The following MINAR1 variants were observed in gnomAD, a reference collection of about 807,000 sequenced individuals.
MINAR1 encodes major intrinsically disordered Notch2-binding receptor 1.
MINAR1 carries 40 observed loss-of-function variants against 65.1 expected under a neutral mutation model. The observed-to-expected ratio is 0.61, with a 90% CI of 0.48 to 0.80. The LOEUF (loss-of-function observed/expected upper bound fraction) is 0.80. MINAR1 is among the 30% of genes least tolerant of loss of function. The pLI is 0.00. For synonymous variants in MINAR1, 482 were observed against 449.1 expected (o/e 1.07, Z -0.93); for missense variants, 1,128 against 1,148.0 (o/e 0.98, Z 0.25).
chr15:79,451,656 C>T (rs934671275), intron 1 of MINAR1, among the ~76,000 whole-genome samples: 1 of 152,212 alleles, frequency 6.6e-6, no homozygotes, highest in Non-Finnish European at 1.5e-5. Context: ...CTGCCAGCTT[C>T]CCTGCCGCGC....
chr15:79,460,432 A>G (rs1401549741), intron 2 of MINAR1, among the ~76,000 whole-genome samples: 1 of 152,098 alleles, frequency 6.6e-6, no homozygotes, highest in Non-Finnish European at 1.5e-5. Flanking sequence ...CATTCTAGCA[A>G]TCCTCCAAAC....
chr15:79,468,538 A>G lies in MINAR1; in HGVS notation c.*154A>G, dbSNP rs1595959424. On this transcript the variant is annotated 3_prime_UTR_variant, in exon 4 of 4. Transcript: ENST00000305428. ...TGAATGAAGGTGGTTTTCAGAAAGTATACATTCTAGTGAGAAATCTACCTA... is the reference window on the plus strand; with the variant it reads ...TGAATGAAGGTGGTTTTCAGAAAGTGTACATTCTAGTGAGAAATCTACCTA... 1 of 693,640 alleles carries G rather than the reference A, an allele frequency of 1.4e-6. No homozygotes were observed. The highest frequency in any genetic ancestry group is 1.8e-5 in the African/African-American group (1 of 55,796). The allele number at this position is 693,640 out of a possible 1,614,324, so 43.0% of individuals were successfully genotyped here. A position where few individuals can be genotyped will look rare whatever the true frequency, so the allele number is the denominator to read the frequency against.
chr15:79,437,758 T>A (rs1389428177), intron 1 of MINAR1, among the ~76,000 whole-genome samples: 1 of 50,774 alleles, frequency 2.0e-5, no homozygotes. Context: ...GTAGGTAGTG[T>A]GTGGGGTGTG....
At chr15:79,459,406 C>A (rs973829685) in intron 2 of MINAR1, among the ~76,000 whole-genome samples, 5 of 152,184 alleles carry the variant, frequency 3.3e-5, no homozygotes, top group African/African-American at 4.8e-5. Context: ...TCACCCCCTG[C>A]AGTAAGGGTG....
chr15:79,433,611 G>A (rs1292146211), intron 1 of MINAR1, among the ~76,000 whole-genome samples: 2 of 152,326 alleles, frequency 1.3e-5, no homozygotes, highest in African/African-American at 2.4e-5. Flanking sequence ...TTTATGCTCT[G>A]TGATATTATG....
In MINAR1 at chr15:79,458,298, T is replaced by A; in HGVS notation, c.2151T>A (p.Ser717Arg). Residue 717 changes from serine to arginine, a missense_variant, in exon 2 of 4, where the codon AGT becomes AGA. Transcript: ENST00000305428. Reference protein sequence around the residue: ...PSSRSLTEENSATESKIASIS... With the variant: ...PSSRSLTEENRATESKIASIS... The stretch of plus-strand genomic sequence containing the variant: ...CTAGGTCCCTAACAGAGGAGAACAG[T>A]GCCACAGAGTCCAAAATTGCCAGCA... 1 of 1,614,038 alleles carries A rather than the reference T, an allele frequency of 6.2e-7. No individual in the cohort carries two copies. The highest frequency in any genetic ancestry group is 2.2e-5 in the East Asian group (1 of 44,878).
At position 79,470,189 on chromosome 15, in the gene MINAR1, T is replaced by C. The variant is rs1188512319; in HGVS notation, c.*1805T>C. ...ATAATTGAAAATGAAAAAAATATGT[T>C]ACTCTCTATCATCAGAATTATAGTC... is the stretch of plus-strand genomic sequence containing the variant. On this transcript the variant is annotated 3_prime_UTR_variant, in exon 4 of 4. Coordinates refer to ENST00000305428, the MANE Select transcript of MINAR1 (RefSeq NM_015206.3). The C allele has an allele frequency of 6.6e-6, 1 of 152,646 alleles. No individual in the cohort carries two copies. The highest frequency in any genetic ancestry group is 2.4e-5 in the African/African-American group (1 of 41,458). 9.5% of individuals were successfully genotyped at this position (152,646 alleles called of 1,614,324 possible).
intron 1 of MINAR1, among the ~76,000 whole-genome samples, chr15:79,451,114 C>G (rs1895181152): frequency 2.0e-5 from 3 of 152,148 alleles, no homozygotes; most frequent in African/African-American, 7.2e-5. Context: ...CTTTCACAAA[C>G]CTCATCCCTC....
intron 1 of MINAR1, among the ~76,000 whole-genome samples, chr15:79,434,811 C>A (rs1409636209): frequency 6.6e-6 from 1 of 152,182 alleles, no homozygotes; most frequent in African/African-American, 2.4e-5. Flanking sequence ...TGGCTTCCTA[C>A]CTAGGCATGC....
chr15:79,468,612 A>G lies in MINAR1; in HGVS notation c.*228A>G, dbSNP rs1895961045. The G allele has an allele frequency of 1.8e-6, 1 of 540,706 alleles. No homozygotes were observed. Among genetic ancestry groups the G allele is most frequent in the Non-Finnish European group, 3.3e-6 (1 of 304,988 alleles). The allele number at this position is 540,706 out of a possible 1,614,324, so 33.5% of individuals were successfully genotyped here. On this transcript the variant is annotated 3_prime_UTR_variant, in exon 4 of 4. Transcript: ENST00000305428. ...ACTCTGACGCATTTTTAGAAGTGCA[A>G]TATCTTTTCCTACCAAAAGAACATC...
At chr15:79,420,289 T>C in the MINAR1 span, 1 of 152,224 alleles carries the variant, frequency 6.6e-6, no homozygotes, top group Non-Finnish European at 1.5e-5. Context: ...GTAATTTGCC[T>C]ACATCATTAG....
chr15:79,440,143 C>A (rs1894830610), intron 1 of MINAR1, among the ~76,000 whole-genome samples: 1 of 152,152 alleles, frequency 6.6e-6, no homozygotes, highest in Non-Finnish European at 1.5e-5. Flanking sequence ...CTCCAGGGGA[C>A]CTTATAAATG....
intron 3 of MINAR1, among the ~76,000 whole-genome samples, chr15:79,465,710 GGTT>G (rs1895818831): frequency 6.6e-6 from 1 of 151,980 alleles, no homozygotes; most frequent in Non-Finnish European, 1.5e-5. Flanking sequence ...AAGAAGAGCA[GGTT>G]GTTCTACCCA....
intron 2 of MINAR1, among the ~76,000 whole-genome samples, chr15:79,458,790 T>G (rs1895536760): frequency 6.6e-6 from 1 of 152,246 alleles, no homozygotes; most frequent in Non-Finnish European, 1.5e-5. Flanking sequence ...TCCTGTCCTT[T>G]CTGAAATAGG....
the MINAR1 span, chr15:79,414,764 T>C: frequency 6.6e-6 from 1 of 152,310 alleles, no homozygotes; most frequent in African/African-American, 2.4e-5. Flanking sequence ...GAGGGGCACT[T>C]GGGTTCAGAG....
Position 79,471,029 on chromosome 15 carries a change from C to G in MINAR1, c.*2645C>G, listed in dbSNP as rs1250276789. On this transcript the variant is annotated 3_prime_UTR_variant, in exon 4 of 4. Coordinates refer to ENST00000305428, the MANE Select transcript of MINAR1 (RefSeq NM_015206.3). ...CTGAGACTCACCCTATCTATCTCCC[C>G]TATTCCCTCAGTTTGCAGAATGAGC... 1 of 152,162 alleles carries G rather than the reference C, an allele frequency of 6.6e-6. No homozygotes were observed. Among genetic ancestry groups the G allele is most frequent in the Non-Finnish European group, 1.5e-5 (1 of 68,044 alleles). 9.4% of individuals were successfully genotyped at this position (152,162 alleles called of 1,614,324 possible).
At chr15:79,425,208 T>G in the MINAR1 span, 1 of 152,076 alleles carries the variant, frequency 6.6e-6, no homozygotes, top group Non-Finnish European at 1.5e-5. Flanking sequence ...CCCGACTAAT[T>G]TTTGTATTTT....
At chr15:79,447,725 C>T (rs1037199864) in intron 1 of MINAR1, among the ~76,000 whole-genome samples, 1 of 152,138 alleles carries the variant, frequency 6.6e-6, no homozygotes. Context: ...AGAGTTCTTG[C>T]ACACCGTGAC....
At chr15:79,440,027 C>T (rs1490086993) in intron 1 of MINAR1, among the ~76,000 whole-genome samples, 2 of 152,084 alleles carry the variant, frequency 1.3e-5, no homozygotes, top group African/African-American at 2.4e-5. Context: ...GTGAGAAATG[C>T]ATGAGCCAAT....
Sources: allele counts gnomAD v4.1 joint callset (sites outside exome capture counted in the v4.1 genomes callset), GRCh38; gene constraint gnomAD v4.1.1; transcripts MANE v1.5; gene names NCBI Gene and HGNC (gene_info 2026-07-23, HGNC 2026-07-21).